The following ST18 variants were observed in gnomAD, a reference collection of about 807,000 sequenced individuals.
ST18 encodes the protein suppression of tumorigenicity 18 protein.
A neutral mutation model predicts 110.0 loss-of-function variants in ST18; 50 were observed. The observed-to-expected ratio is 0.45, with a 90% confidence interval of 0.36 to 0.58. The LOEUF (loss-of-function observed/expected upper bound fraction) is 0.58. Ranked by LOEUF, ST18 falls within the 20% of genes least tolerant of loss-of-function variation. The pLI is 0.00. For missense variants in ST18, 1,306 were observed against 1,280.1 expected (o/e 1.02, Z -0.31); for synonymous variants, 461 against 452.4 (o/e 1.02, Z -0.24).
intron 19 of ST18, among the ~76,000 whole-genome samples, chr8:52,135,357 T>C (rs1423511352): frequency 6.6e-6 from 1 of 151,822 alleles, no homozygotes; most frequent in East Asian, 1.9e-4. Context: ...GGTCAGGAGT[T>C]TGAGACCAGC....
rs554858699 is a variant in ST18, at chr8:52,367,978, A to G, written c.-465+41350T>C. Among the ~76,000 whole-genome samples, 23 of 152,332 alleles carry G rather than the reference A, an allele frequency of 1.5e-4. 3 individuals carry two copies. Among genetic ancestry groups the G allele is most frequent in the African/African-American group, 5.5e-4 (23 of 41,584 alleles). On this transcript the variant is annotated intron_variant, in intron 2 of 25. Transcript: ENST00000689386. Reference sequence around the variant, plus strand: ...AAGGTATCTGAGCTAGTATTTCTGCAGGATTATAACATCATTTTCACTTGG... The same window carrying G: ...AAGGTATCTGAGCTAGTATTTCTGCGGGATTATAACATCATTTTCACTTGG...
At chr8:52,222,442 C>A (rs1006197437) in intron 3 of ST18, among the ~76,000 whole-genome samples, 3 of 152,220 alleles carry the variant, frequency 2.0e-5, no homozygotes, top group Admixed American at 6.5e-5. Flanking sequence ...TCTGCCCTAA[C>A]CCCATCTGCC....
At position 52,137,465 on chromosome 8, in the gene ST18, A is replaced by G; in HGVS notation, c.2187T>C (p.Cys729=). 6.2e-7 allele frequency: 1 copy of G among 1,614,076 alleles called. No homozygotes were observed. Among genetic ancestry groups the G allele is most frequent in the Non-Finnish European group, 8.5e-7 (1 of 1,180,006 alleles). The change falls in exon 18 of 26, where the codon TGT becomes TGC. Residue 729 remains cysteine (C), a synonymous_variant. Transcript: ENST00000689386. The part of the protein sequence containing the change: ...KELITCPTPG[C]DGSGHVTGNY... ...TTCCTGTCACGTGGCCACTTCCATC[A>G]CATCCTGGTGTTGGACAGCTGAGTC...
chr8:52,119,078 G>A (rs925993915), intron 23 of ST18, among the ~76,000 whole-genome samples: 4 of 152,102 alleles, frequency 2.6e-5, no homozygotes, highest in Non-Finnish European at 5.9e-5. Flanking sequence ...GTAATTTAGG[G>A]GGAAGGACAT....
At chr8:52,331,962 A>AT (rs1809638723) in intron 2 of ST18, among the ~76,000 whole-genome samples, 1 of 152,172 alleles carries the variant, frequency 6.6e-6, no homozygotes, top group South Asian at 2.1e-4. Flanking sequence ...AAGTCAAGCA[A>AT]TTTTGTCAAA....
chr8:52,274,577 G>A (rs1013307766), intron 2 of ST18, among the ~76,000 whole-genome samples: 1 of 142,424 alleles, frequency 7.0e-6, no homozygotes, highest in African/African-American at 3.1e-5. Context: ...TATGTAATAA[G>A]TGGAGAAAAG....
At chr8:52,328,390 G>C (rs1021088994) in intron 2 of ST18, among the ~76,000 whole-genome samples, 7 of 152,178 alleles carry the variant, frequency 4.6e-5, no homozygotes, top group African/African-American at 1.4e-4. Flanking sequence ...ACACAGGTTT[G>C]CTCTCTGATA....
intron 6 of ST18, 97 bp from the exon 7 acceptor site, chr8:52,214,354 A>T (rs1461379869): frequency 7.6e-7 from 1 of 1,323,164 alleles, no homozygotes; most frequent in Non-Finnish European, 1.1e-6. Context: ...TATGAAAAAC[A>T]GTAGCCTTCC....
At chr8:52,366,922 G>T (rs929433931) in intron 2 of ST18, among the ~76,000 whole-genome samples, 4 of 152,174 alleles carry the variant, frequency 2.6e-5, no homozygotes, top group African/African-American at 9.7e-5. Flanking sequence ...TGAACTGATT[G>T]ATTAAACAGT....
At chr8:52,162,186 G>C (rs112302949) in intron 13 of ST18, among the ~76,000 whole-genome samples, 1,913 of 152,198 alleles carry the variant, frequency 0.013, 34 homozygotes, top group African/African-American at 0.041. Context: ...ATTCCAGCCT[G>C]GGAGACAGAG....
At chr8:52,219,324 T>G (rs2085704457) in intron 5 of ST18, among the ~76,000 whole-genome samples, 1 of 152,286 alleles carries the variant, frequency 6.6e-6, no homozygotes, top group African/African-American at 2.4e-5. Context: ...TTTCTAGTTT[T>G]GTTTTCATGC....
chr8:52,172,377 C>A lies in ST18; in HGVS notation c.484G>T (p.Asp162Tyr), dbSNP rs147121734. Reference protein sequence around the residue: ...SGIQSLKAESDEADECFLIHS... With the variant: ...SGIQSLKAESYEADECFLIHS... ...ATCAGAAAGCACTCGTCTGCTTCAT[C>A]GCTCTCTGCTTTTAAAGACTGGATG... Residue 162 changes from aspartate (D) to tyrosine (Y), a missense_variant, in exon 10 of 26, where the codon GAT (aspartate) becomes TAT (tyrosine). Transcript: ENST00000689386. 23 of 1,613,936 alleles carry A rather than the reference C, an allele frequency of 1.4e-5. No homozygotes were observed. The highest frequency in any genetic ancestry group is 1.9e-5 in the Non-Finnish European group (22 of 1,180,004).
At chr8:52,326,477 T>C (rs1806473766) in intron 2 of ST18, among the ~76,000 whole-genome samples, 1 of 152,290 alleles carries the variant, frequency 6.6e-6, no homozygotes, top group African/African-American at 2.4e-5. Flanking sequence ...AAATGAAAGA[T>C]GCATAGTAAT....
chr8:52,400,716 CT>C (rs141327003), intron 2 of ST18, among the ~76,000 whole-genome samples: 5,215 of 152,198 alleles, frequency 0.034, 292 homozygotes, highest in African/African-American at 0.12. Context: ...AACCTCTCCC[CT>C]GTCATCCACA....
At chr8:52,371,688 A>T (rs1374078685) in intron 2 of ST18, among the ~76,000 whole-genome samples, 1 of 152,194 alleles carries the variant, frequency 6.6e-6, no homozygotes, top group Non-Finnish European at 1.5e-5. Context: ...AATAAATACA[A>T]TCATGCATTC....
intron 2 of ST18, among the ~76,000 whole-genome samples, chr8:52,231,597 C>T (rs2091378116): frequency 6.6e-6 from 1 of 152,148 alleles, no homozygotes. Flanking sequence ...CTGCCTCAGC[C>T]ACATGAGTAG....
chr8:52,285,695 C>T (rs2095459740), intron 2 of ST18, among the ~76,000 whole-genome samples: 1 of 152,170 alleles, frequency 6.6e-6, no homozygotes, highest in Admixed American at 6.5e-5. Flanking sequence ...TGATGGACAC[C>T]CTGCTGATGC....
intron 7 of ST18, 68 bp downstream of exon 7, chr8:52,214,135 G>C: frequency 1.3e-6 from 2 of 1,501,556 alleles, no homozygotes; most frequent in Non-Finnish European, 1.9e-6. Context: ...ACGAGGGACT[G>C]AGCACTGGAA....
chr8:52,206,691 T>C (rs972705504), intron 8 of ST18: 3 of 149,338 alleles, frequency 2.0e-5, no homozygotes, highest in African/African-American at 7.3e-5. Context: ...AAGTGGCTTA[T>C]AGGTAAAAAG....
Sources: allele counts gnomAD v4.1 joint callset (sites outside exome capture counted in the v4.1 genomes callset), GRCh38; gene constraint gnomAD v4.1.1; transcripts MANE v1.5; gene names NCBI Gene and HGNC (gene_info 2026-07-23, HGNC 2026-07-21).